Variants in ZEB2 observed in about 807,000 individuals in gnomAD.
ZEB2 encodes the protein zinc finger E-box-binding homeobox 2.
Under a neutral mutation model 99.9 loss-of-function variants are expected in ZEB2, and 6 were observed. The observed-to-expected ratio is 0.06, with a 90% CI of 0.03 to 0.12. The LOEUF is 0.12. Ranked by LOEUF, ZEB2 falls within the 10% of genes least tolerant of loss-of-function variation. The pLI, the probability that ZEB2 is intolerant of heterozygous loss-of-function variation, is 1.00. For synonymous variants in ZEB2, 517 were observed against 542.5 expected (o/e 0.95, Z 0.65); for missense variants, 969 against 1,502.8 (o/e 0.64, Z 5.87).
At chr2:144,429,313 G>T (rs1189869058) in intron 3 of ZEB2, 1 of 188,342 alleles carries the variant, frequency 5.3e-6, no homozygotes, top group Non-Finnish European at 1.1e-5. Context: ...CCAATAGGAG[G>T]TGTCAGACAG....
At chr2:144,392,759 T>C (rs914986550) in intron 9 of ZEB2, among the ~76,000 whole-genome samples, 2 of 152,214 alleles carry the variant, frequency 1.3e-5, no homozygotes, top group African/African-American at 4.8e-5. Context: ...TGTCCTAGAA[T>C]TAAATTTCCA....
chr2:144,434,615 A>C (rs1025576798), intron 2 of ZEB2, among the ~76,000 whole-genome samples: 6 of 152,214 alleles, frequency 3.9e-5, no homozygotes, highest in Admixed American at 1.3e-4. Flanking sequence ...AGAGTAAGGG[A>C]TGGAAATCCC....
intron 2 of ZEB2, among the ~76,000 whole-genome samples, chr2:144,480,955 T>C (rs1704502620): frequency 2.0e-5 from 3 of 152,148 alleles, no homozygotes; most frequent in Admixed American, 2.0e-4. Context: ...TTTTGAGAAT[T>C]TTTGTATCTT....
At chr2:144,466,610 G>A (rs1033986196) in intron 2 of ZEB2, among the ~76,000 whole-genome samples, 3 of 152,166 alleles carry the variant, frequency 2.0e-5, no homozygotes, top group Non-Finnish European at 4.4e-5. Flanking sequence ...CTGTGCAACT[G>A]CAGCCTGATA....
chr2:144,519,123 G>A (rs1705222340), intron 1 of ZEB2, among the ~76,000 whole-genome samples: 1 of 152,172 alleles, frequency 6.6e-6, no homozygotes, highest in African/African-American at 2.4e-5. Context: ...ATATATGTGT[G>A]TATGTGTCTT....
intron 2 of ZEB2, chr2:144,503,949 A>G (rs1481930123): frequency 1.3e-5 from 2 of 152,050 alleles, no homozygotes; most frequent in African/African-American, 4.8e-5. Context: ...GCCAAAATGC[A>G]TTAGCTTTTG....
chr2:144,511,417 A>G, intron 2 of ZEB2: 1 of 1,228,342 alleles, frequency 8.1e-7, no homozygotes, highest in Non-Finnish European at 1.0e-6. Context: ...TTTACTTTGT[A>G]ACTACTAGTT....
At chr2:144,499,216 G>A (rs1044575765) in intron 2 of ZEB2, among the ~76,000 whole-genome samples, 1 of 152,138 alleles carries the variant, frequency 6.6e-6, no homozygotes, top group African/African-American at 2.4e-5. Context: ...CTTAACTCCA[G>A]TGGTATCAAG....
rs1320880424 is a variant in ZEB2 at position 144,419,161 on chromosome 2, G to T, written c.403+5635C>A. 2.6e-5 allele frequency among the ~76,000 whole-genome samples: 4 copies of T among 152,278 alleles called. No individual in the cohort carries two copies. In the East Asian group the frequency reaches 7.7e-4, roughly 29 times the overall value. The stretch of plus-strand genomic sequence containing the variant: ...TAATTGGTAGAGATAAAATTCAAGT[G>T]TAGGTAATTGGTCTCTAGAATCTGG... On this transcript the variant is annotated intron_variant, in intron 4 of 9. Transcript: ENST00000627532.
chr2:144,402,603 C>A (rs1273921076), intron 6 of ZEB2, among the ~76,000 whole-genome samples: 1 of 152,152 alleles, frequency 6.6e-6, no homozygotes, highest in Non-Finnish European at 1.5e-5. Flanking sequence ...ATGCCATGAG[C>A]AAATGAGGGG....
intron 2 of ZEB2, among the ~76,000 whole-genome samples, chr2:144,499,346 C>A (rs1398409001): frequency 6.6e-6 from 1 of 152,130 alleles, no homozygotes. Context: ...TTTTAAAAGT[C>A]TAGCGGTTTA....
chr2:144,447,142 T>C (rs1703996656), intron 2 of ZEB2, among the ~76,000 whole-genome samples: 1 of 152,180 alleles, frequency 6.6e-6, no homozygotes, highest in African/African-American at 2.4e-5. Context: ...TGACATATTC[T>C]AAGTTCTTCA....
intron 3 of ZEB2, chr2:144,428,066 A>G (rs1197174653): frequency 6.6e-6 from 1 of 152,190 alleles, no homozygotes; most frequent in Non-Finnish European, 1.5e-5. Context: ...TTTTTAAAAG[A>G]GGTTTGGGGC....
At position 144,384,805 on chromosome 2, in the gene ZEB2, G is replaced by GA. The variant is rs1482842542; in HGVS notation, c.*4645dup. The GA allele has an allele frequency of 1.3e-4, 20 of 151,962 alleles. No individual in the cohort carries two copies. Among genetic ancestry groups the GA allele is most frequent in the Middle Eastern group, 3.4e-3 (1 of 292 alleles). The allele number at this position is 151,962 out of a possible 1,614,324, so 9.4% of individuals were successfully genotyped here. A position where few individuals can be genotyped will look rare whatever the true frequency, so the allele number is the denominator to read the frequency against. ...CTGTGCACAGTTTAACAATTTAATT[G>GA]AAAAAACCAAAGCTAAGCCTTCAGT... On this transcript the variant is annotated 3_prime_UTR_variant, in exon 10 of 10. Transcript: ENST00000627532.
chr2:144,388,867 G>C lies in ZEB2; in HGVS notation c.*584C>G, dbSNP rs1408954846. 2.2e-6 allele frequency: 1 copy of C among 457,470 alleles called. No individual in the cohort carries two copies. 28.3% of individuals were successfully genotyped at this position (457,470 alleles called of 1,614,324 possible). A position where few individuals can be genotyped will look rare whatever the true frequency, so the allele number is the denominator to read the frequency against. On this transcript the variant is annotated 3_prime_UTR_variant, in exon 10 of 10. Coordinates refer to ENST00000627532, the MANE Select transcript of ZEB2 (RefSeq NM_014795.4). The surrounding 1 kb of genome is among the most constrained non-coding windows in gnomAD (Gnocchi z 5.4). ...ACTTCGGTATCTTAAATTCACACATGCATCACTTCAAGTTCCTTCACAGAA... is the reference window on the plus strand; with the variant it reads ...ACTTCGGTATCTTAAATTCACACATCCATCACTTCAAGTTCCTTCACAGAA...
chr2:144,397,296 C>T (rs766938707), intron 8 of ZEB2, among the ~76,000 whole-genome samples: 15 of 152,206 alleles, frequency 9.9e-5, no homozygotes, highest in Non-Finnish European at 1.6e-4. Context: ...TTTTCTTAGA[C>T]TATGTTTGTA....
At position 144,387,244 on chromosome 2, in the gene ZEB2, T is replaced by C. The variant is rs2149871498; in HGVS notation, c.*2207A>G. On this transcript the variant is annotated 3_prime_UTR_variant, in exon 10 of 10. Transcript: ENST00000627532. ...GCAAAATGATGCTTTTCTTCTTTGA[T>C]TCTAAAGTAGAAAAAATACATGGAC... The C allele has an allele frequency of 6.6e-6, 1 of 152,180 alleles. No individual in the cohort carries two copies. The allele number at this position is 152,180 out of a possible 1,614,324, so 9.4% of individuals were successfully genotyped here. A position where few individuals can be genotyped will look rare whatever the true frequency, so the allele number is the denominator to read the frequency against.
At position 144,392,568 on chromosome 2, in the gene ZEB2, C is replaced by T. The variant is rs576056172; in HGVS notation, c.3068-2540G>A. Among the ~76,000 whole-genome samples, 153 of 152,258 alleles carry T rather than the reference C, an allele frequency of 1.0e-3. 1 individual carries two copies. Among genetic ancestry groups the T allele is most frequent in the African/African-American group, 3.5e-3 (147 of 41,546 alleles). ...AAAATAAAATGTTCAGTTATGATAC[C>T]ATGCAAAGGATAGAATCTGGGAGCA... On this transcript the variant is annotated intron_variant, in intron 9 of 9. Transcript: ENST00000627532.
At chr2:144,515,309 GA>G (rs1199582817) in intron 2 of ZEB2, among the ~76,000 whole-genome samples, 4 of 151,954 alleles carry the variant, frequency 2.6e-5, no homozygotes, top group Non-Finnish European at 5.9e-5. Flanking sequence ...GTAAGAGGGG[GA>G]AAAAAGCCCC....
Sources: gnomAD v4.1 joint callset for allele counts (sites outside exome capture counted in the v4.1 genomes callset) on GRCh38, gnomAD v4.1.1 for gene constraint, Gnocchi (gnomAD v3.1) non-coding constraint, MANE v1.5 for transcripts, NCBI Gene and HGNC (gene_info 2026-07-23, HGNC 2026-07-21) for gene names.